ANKFN1: variants seen among roughly 807,000 people sequenced by gnomAD.
ANKFN1 encodes the protein ankyrin repeat and fibronectin type-III domain-containing protein 1.
In ANKFN1, 74 loss-of-function variants were observed where a neutral mutation model predicts 108.7. That is an observed-to-expected ratio of 0.68 (90% CI 0.56 to 0.83). ANKFN1 has a LOEUF of 0.83. Among genes scored for constraint, ANKFN1 ranks in the 40% least tolerant of loss-of-function variants. ANKFN1 has a pLI of 0.00. For missense variants in ANKFN1, 1,505 were observed against 1,382.3 expected (o/e 1.09, Z -1.41); for synonymous variants, 547 against 516.2 (o/e 1.06, Z -0.81).
chr17:56,288,791 G>A (rs938010524), intron 3 of ANKFN1, among the ~76,000 whole-genome samples: 4 of 152,002 alleles, frequency 2.6e-5, no homozygotes, highest in African/African-American at 9.7e-5. Flanking sequence ...CATGGTTTAT[G>A]AAGTGACACC....
intron 4 of ANKFN1, among the ~76,000 whole-genome samples, chr17:56,331,556 A>T (rs1044883724): frequency 2.6e-5 from 4 of 152,146 alleles, no homozygotes; most frequent in African/African-American, 9.7e-5. Context: ...AGATCTAGGG[A>T]GATGAAGCTG....
intron 4 of ANKFN1, among the ~76,000 whole-genome samples, chr17:56,347,208 G>A (rs2046127977): frequency 6.6e-6 from 1 of 151,672 alleles, no homozygotes; most frequent in African/African-American, 2.4e-5. Flanking sequence ...CATAAAATTA[G>A]TTTCAAGACA....
chr17:56,150,406 C>T (rs533191318), upstream of ANKFN1, among the ~76,000 whole-genome samples: 76 of 152,244 alleles, frequency 5.0e-4, no homozygotes, highest in African/African-American at 1.8e-3. Context: ...ACGTAGCATT[C>T]GGTCCCTATT....
rs566603356 is a variant in ANKFN1, at chr17:56,142,544, A to AG, written c.289-85371dup. On this transcript the variant is annotated intron_variant, in intron 4 of 12. Transcript: ENST00000635860. ...CCTAAAGGGCTAACTCACCTCAAACAGGCTTACAGAATGAAATTCAGACCC... is the reference window on the plus strand; with the variant it reads ...CCTAAAGGGCTAACTCACCTCAAACAGGGCTTACAGAATGAAATTCAGACCC... Among the ~76,000 whole-genome samples the AG allele has an allele frequency of 5.3e-5, 8 of 152,362 alleles. No individual in the cohort carries two copies. In the East Asian group the frequency reaches 1.5e-3, roughly 29 times the overall value.
chr17:56,306,213 A>T (rs1416816361), intron 3 of ANKFN1, among the ~76,000 whole-genome samples: 1 of 152,242 alleles, frequency 6.6e-6, no homozygotes, highest in East Asian at 1.9e-4. Context: ...GAGTTTAAGA[A>T]GAATTGTATT....
intron 8 of ANKFN1, among the ~76,000 whole-genome samples, chr17:56,385,398 A>C (rs2047231621): frequency 6.6e-6 from 1 of 152,242 alleles, no homozygotes; most frequent in Admixed American, 6.5e-5. Flanking sequence ...ACCATTCAGG[A>C]CATAGGCATG....
At chr17:56,395,405 G>A (rs2047551332) in intron 8 of ANKFN1, among the ~76,000 whole-genome samples, 1 of 152,170 alleles carries the variant, frequency 6.6e-6, no homozygotes, top group African/African-American at 2.4e-5. Context: ...GCAGCCCAAG[G>A]GCAAGGGGCC....
At chr17:56,462,790 C>T (rs990356069) in intron 14 of ANKFN1, among the ~76,000 whole-genome samples, 6 of 152,216 alleles carry the variant, frequency 3.9e-5, no homozygotes, top group Non-Finnish European at 5.9e-5. Flanking sequence ...AGTCATCCCT[C>T]TGCTACCAGT....
chr17:56,221,844 C>T (rs779363855), intron 2 of ANKFN1, among the ~76,000 whole-genome samples: 4 of 152,172 alleles, frequency 2.6e-5, no homozygotes, highest in Admixed American at 1.3e-4. Context: ...TGGACACCAT[C>T]ATTTACAGGG....
intron 15 of ANKFN1, among the ~76,000 whole-genome samples, chr17:56,475,530 T>A (rs1467525812): frequency 6.6e-6 from 1 of 152,194 alleles, no homozygotes; most frequent in Non-Finnish European, 1.5e-5. Context: ...TCTATAGACA[T>A]TTCAATGTTT....
chr17:56,270,264 C>G (rs16956985), intron 3 of ANKFN1, among the ~76,000 whole-genome samples: 3,379 of 152,206 alleles, frequency 0.022, 119 homozygotes, highest in African/African-American at 0.077. Context: ...CAAAGGGAGC[C>G]TGAAGAAGCT....
intron 4 of ANKFN1, among the ~76,000 whole-genome samples, chr17:56,137,988 CA>C (rs1907692134): frequency 6.6e-6 from 1 of 152,112 alleles, no homozygotes; most frequent in Admixed American, 6.6e-5. Flanking sequence ...GCCTTCAAAA[CA>C]GTCTTGAATT....
At position 56,129,846 on chromosome 17, in the gene ANKFN1, G is replaced by A. The variant is rs117154704; in HGVS notation, c.288+83521G>A. Among the ~76,000 whole-genome samples, 980 of 152,270 alleles carry A rather than the reference G, an allele frequency of 6.4e-3. 5 individuals carry two copies. The highest frequency in any genetic ancestry group is 0.01 in the Admixed American group (160 of 15,290). On this transcript the variant is annotated intron_variant, in intron 4 of 12. Coordinates refer to the ANKFN1 transcript ENST00000635860. ...ATGGTTAGAATTCCACAACCTAAAT[G>A]ATCATTTGTTGAACAAATTCATGCT...
At chr17:56,387,221 C>A (rs906131371) in intron 8 of ANKFN1, among the ~76,000 whole-genome samples, 4 of 151,950 alleles carry the variant, frequency 2.6e-5, no homozygotes, top group Non-Finnish European at 4.4e-5. Context: ...ACTAGTTTTG[C>A]TTTTCTTTTA....
chr17:56,124,378 T>G (rs1269924347), intron 4 of ANKFN1, among the ~76,000 whole-genome samples: 2 of 152,202 alleles, frequency 1.3e-5, no homozygotes, highest in African/African-American at 4.8e-5. Flanking sequence ...CTGCTTCTGT[T>G]ATACGCCACT....
intron 3 of ANKFN1, among the ~76,000 whole-genome samples, chr17:56,310,735 T>C (rs982740567): frequency 1.3e-5 from 2 of 149,876 alleles, no homozygotes; most frequent in Non-Finnish European, 3.0e-5. Context: ...ATATCCATCA[T>C]CTCACAATTA....
intron 16 of ANKFN1, among the ~76,000 whole-genome samples, chr17:56,478,075 C>T (rs1186507274): frequency 1.3e-5 from 2 of 152,138 alleles, no homozygotes; most frequent in Non-Finnish European, 2.9e-5. Context: ...GATCCATTTG[C>T]CTCAGCCTCC....
rs765706377 is a variant in ANKFN1, at chr17:56,477,592, T to C, written c.1878T>C (p.Val626=). The part of the protein sequence containing the change: ...CSSVDQIKVL[V]TQKLPNILCH... ...CTGTGGATCAAATCAAAGTTCTTGTTACCCAAAAGTTGCCCAACATTCTCT... is the reference window on the plus strand; with the variant it reads ...CTGTGGATCAAATCAAAGTTCTTGTCACCCAAAAGTTGCCCAACATTCTCT... The change falls in exon 16 of 21, where the codon GTT becomes GTC. Residue 626 remains valine, a synonymous_variant. Transcript: ENST00000682825. 3 of 1,613,840 alleles carry C rather than the reference T, an allele frequency of 1.9e-6. No homozygotes were observed. The highest frequency in any genetic ancestry group is 1.7e-5 in the Admixed American group (1 of 59,990).
chr17:56,503,486 CATATATATATATATAT>C lies in ANKFN1; in HGVS notation c.2644+4416_2644+4431del, dbSNP rs3052391. On this transcript the variant is annotated intron_variant, in intron 20 of 20. Transcript: ENST00000682825. Reference sequence around the variant, plus strand: ...AATAAATTCACTGAAGCACAAATTTCATATATATATATATATATATATATATATATATATATATATA... The same window carrying C: ...AATAAATTCACTGAAGCACAAATTTCATATATATATATATATATATATATA... 3.8e-3 allele frequency among the ~76,000 whole-genome samples: 310 copies of C among 81,528 alleles called. 12 individuals are homozygous for C. The highest frequency in any genetic ancestry group is 0.018 in the African/African-American group (245 of 13,870). 53.5% of individuals were successfully genotyped at this position (81,528 alleles called of 152,430 possible). A position where few individuals can be genotyped will look rare whatever the true frequency, so the allele number is the denominator to read the frequency against.
Sources: allele counts gnomAD v4.1 joint callset (sites outside exome capture counted in the v4.1 genomes callset), GRCh38; gene constraint gnomAD v4.1.1; transcripts MANE v1.5; gene names NCBI Gene and HGNC (gene_info 2026-07-23, HGNC 2026-07-21).